Variants in ACSL3 observed in about 807,000 individuals in gnomAD.
ACSL3 encodes the protein fatty acid CoA ligase Acsl3.
A neutral mutation model predicts 84.7 loss-of-function variants in ACSL3; 34 were observed. That is an observed-to-expected ratio of 0.40 (90% CI 0.31 to 0.53). The LOEUF is 0.53. ACSL3 is among the 20% of genes least tolerant of loss of function. The probability of loss-of-function intolerance (pLI) is 0.48; values close to 1 mark genes in which losing one functional copy is unlikely to be tolerated. For synonymous variants in ACSL3, 315 were observed against 299.4 expected, an observed-to-expected ratio of 1.05 and a Z score of -0.54; for missense variants, 680 against 873.1, an observed-to-expected ratio of 0.78 and a Z score of 2.79.
rs144586056 is a variant in ACSL3, at chr2:222,908,973, A to C, written c.201A>C (p.Ala67=). 6.2e-7 allele frequency: 1 copy of C among 1,613,712 alleles called. No homozygotes were observed. The highest frequency in any genetic ancestry group is 8.5e-7 in the Non-Finnish European group (1 of 1,179,794). The part of the protein sequence containing the change: ...AKPVNSKPDS[A]YRSVNSLDGL... ...CTGTAAATTCAAAACCTGATTCTGC[A>C]TACAGATCTGTTAATAGTTTGGATG... Residue 67 remains alanine, a synonymous_variant, in exon 4 of 17, where the codon GCA becomes GCC. Transcript: ENST00000357430.
Position 222,862,759 on chromosome 2 carries a change from A to G in ACSL3, c.-207+1501A>G, listed in dbSNP as rs1695046566. Among the ~76,000 whole-genome samples, 3 of 152,308 alleles carry G rather than the reference A, an allele frequency of 2.0e-5. No homozygotes were observed. In the South Asian group the frequency reaches 6.2e-4, roughly 32 times the overall value. On this transcript the variant is annotated intron_variant, in intron 1 of 16. Coordinates refer to ENST00000357430, the MANE Select transcript of ACSL3 (RefSeq NM_004457.5). ...CATTGGGTGTGGGGCAGAGTGGTCC[A>G]TTGGACCTAAGGGTCAAGGTGACAA...
chr2:222,890,869 C>G (rs757978838), intron 2 of ACSL3, among the ~76,000 whole-genome samples: 4 of 152,192 alleles, frequency 2.6e-5, no homozygotes, highest in Non-Finnish European at 5.9e-5. Flanking sequence ...CCTTGAACTC[C>G]TGGCCTCAAG....
chr2:222,904,288 C>CAA (rs11412579), intron 3 of ACSL3, among the ~76,000 whole-genome samples: 126 of 106,780 alleles, frequency 1.2e-3, no homozygotes, highest in East Asian at 7.3e-3. Flanking sequence ...CAAAACAAAA[C>CAA]AAAACAAAAA....
intron 15 of ACSL3, among the ~76,000 whole-genome samples, chr2:222,934,194 A>G (rs1697111141): frequency 6.6e-6 from 1 of 152,110 alleles, no homozygotes; most frequent in African/African-American, 2.4e-5. Flanking sequence ...CATGCTATGA[A>G]ATACTGATAG....
intron 1 of ACSL3, among the ~76,000 whole-genome samples, chr2:222,863,921 G>A (rs1695075188): frequency 6.6e-6 from 1 of 151,852 alleles, no homozygotes. Flanking sequence ...ACTTGCCAAA[G>A]TTACTGCTTT....
At position 222,879,370 on chromosome 2, in the gene ACSL3, C is replaced by T. The variant is rs576595938; in HGVS notation, c.-206-8460C>T. Among the ~76,000 whole-genome samples the T allele has an allele frequency of 9.2e-5, 14 of 152,002 alleles. No homozygotes were observed. The South Asian group carries it at 1.9e-3, about 20-fold the overall frequency. ...TTAGTTAAATGCTTTACTTGAAAAC[C>T]GATCTCATGCTATCTACAACATTTT... is the stretch of plus-strand genomic sequence containing the variant. On this transcript the variant is annotated intron_variant, in intron 1 of 16. Coordinates refer to ENST00000357430, the MANE Select transcript of ACSL3 (RefSeq NM_004457.5).
At chr2:222,879,588 C>A (rs1367628144) in intron 1 of ACSL3, among the ~76,000 whole-genome samples, 2 of 152,192 alleles carry the variant, frequency 1.3e-5, no homozygotes, top group African/African-American at 2.4e-5. Context: ...TTTATTTTGA[C>A]AGTCCTCTTA....
intron 1 of ACSL3, among the ~76,000 whole-genome samples, chr2:222,868,337 G>A (rs187619388): frequency 6.6e-6 from 1 of 152,272 alleles, no homozygotes; most frequent in African/African-American, 2.4e-5. Flanking sequence ...TTCTTCATCT[G>A]TAAAATGGAG....
At chr2:222,914,420 G>A (rs533174701) in intron 4 of ACSL3, among the ~76,000 whole-genome samples, 15 of 152,090 alleles carry the variant, frequency 9.9e-5, no homozygotes, top group South Asian at 2.1e-4. Flanking sequence ...TGTACTGCAC[G>A]TCTGGCTAAT....
At chr2:222,926,176 A>G (rs1696870188) in intron 11 of ACSL3, among the ~76,000 whole-genome samples, 1 of 152,202 alleles carries the variant, frequency 6.6e-6, no homozygotes, top group African/African-American at 2.4e-5. Context: ...ATGAATTTAT[A>G]TTGTATTAGG....
intron 2 of ACSL3, among the ~76,000 whole-genome samples, chr2:222,898,603 T>A (rs1246932983): frequency 6.6e-6 from 1 of 152,166 alleles, no homozygotes; most frequent in Admixed American, 6.5e-5. Flanking sequence ...GGCGGGCGGA[T>A]CACGAGGTAG....
intron 2 of ACSL3, among the ~76,000 whole-genome samples, chr2:222,891,306 A>G (rs911374173): frequency 6.6e-6 from 1 of 152,210 alleles, no homozygotes; most frequent in Non-Finnish European, 1.5e-5. Flanking sequence ...CTTAAAATCG[A>G]TCTAGTTGAA....
chr2:222,930,528 G>A (rs1316631913), intron 13 of ACSL3, 93 bp from the exon 14 acceptor site: 2 of 1,105,090 alleles, frequency 1.8e-6, no homozygotes, highest in African/African-American at 1.6e-5. Flanking sequence ...GTTCTAATTG[G>A]ATTAAAATAA....
At chr2:222,901,578 T>G (rs1696151295) in intron 3 of ACSL3, among the ~76,000 whole-genome samples, 1 of 152,238 alleles carries the variant, frequency 6.6e-6, no homozygotes, top group Admixed American at 6.5e-5. Context: ...TACTTATTTC[T>G]GTCTAAAAGC....
intron 5 of ACSL3, among the ~76,000 whole-genome samples, chr2:222,917,080 T>C (rs1696604595): frequency 6.6e-6 from 1 of 152,128 alleles, no homozygotes; most frequent in Non-Finnish European, 1.5e-5. Context: ...TTGCTGTAAA[T>C]TCCTCCACCT....
At chr2:222,934,024 A>T (rs939578253) in intron 15 of ACSL3, among the ~76,000 whole-genome samples, 1 of 152,236 alleles carries the variant, frequency 6.6e-6, no homozygotes, top group Admixed American at 6.5e-5. Context: ...ATGGCCTTCA[A>T]AAAAGTATTT....
rs1340250401 is a variant in ACSL3, at chr2:222,923,116, C to T, written c.1119C>T (p.Ser373=). The T allele has an allele frequency of 5.0e-6, 8 of 1,613,856 alleles. No homozygotes were observed. In the South Asian group the frequency reaches 8.8e-5, roughly 18 times the overall value. Residue 373 remains serine (S), a synonymous_variant, in exon 10 of 17, where the codon TCC becomes TCT. Coordinates refer to ENST00000357430, the MANE Select transcript of ACSL3 (RefSeq NM_004457.5). ...KIKKGSKGDT[S]MLKPTLMAAV... ...AAAAAGGAAGCAAAGGGGATACATC[C>T]ATGTTGAAACCAACACTGATGGCAG...
At chr2:222,934,479 C>T in intron 15 of ACSL3, 51 bp from the exon 16 acceptor site, 5 of 1,407,344 alleles carry the variant, frequency 3.6e-6, no homozygotes, top group Non-Finnish European at 4.7e-6. Flanking sequence ...TAACTGCAGT[C>T]AACACAGTTC....
In ACSL3 at chr2:222,943,254, G is replaced by A. The variant is rs201131326; in HGVS notation, c.*1600G>A. 1 of 145,410 alleles carries A rather than the reference G, an allele frequency of 6.9e-6. No individual in the cohort carries two copies. The highest frequency in any genetic ancestry group is 8.6e-5 in the Admixed American group (1 of 11,686). The allele number at this position is 145,410 out of a possible 1,614,324, so 9.0% of individuals were successfully genotyped here. ...TTTTGTTTTCAACTTTTCTTGTATT[G>A]TATATTTGTATTATGTTTTGAATGC... On this transcript the variant is annotated 3_prime_UTR_variant, in exon 17 of 17. Transcript: ENST00000357430.
Sources: gnomAD v4.1 joint callset for allele counts (sites outside exome capture counted in the v4.1 genomes callset) on GRCh38, gnomAD v4.1.1 for gene constraint, MANE v1.5 for transcripts, NCBI Gene and HGNC (gene_info 2026-07-23, HGNC 2026-07-21) for gene names.